The following SVOPL variants were observed in gnomAD, a reference collection of about 807,000 sequenced individuals.
SVOPL encodes putative transporter SVOPL.
In SVOPL, 60 loss-of-function variants were observed where a neutral mutation model predicts 61.0. That is an observed-to-expected ratio of 0.98 (90% CI 0.80 to 1.22). SVOPL has a LOEUF of 1.22. SVOPL is among the 50% of genes most tolerant of loss of function. SVOPL has a pLI of 0.00. For synonymous variants in SVOPL, 279 were observed against 250.0 expected (o/e 1.12, Z -1.09); for missense variants, 662 against 643.9 (o/e 1.03, Z -0.30).
rs1799265060 is a variant in SVOPL at position 138,615,712 on chromosome 7, T to TGGCG, written c.1353+5333_1353+5334insCGCC. ...TGGAAGGCTGAGGCAGGAGAACTGT[T>TGGCG]TGAACCTGGGAGGCGGAGGTTGCAG... On this transcript the variant is annotated intron_variant, in intron 14 of 15. Transcript: ENST00000674285. Among the ~76,000 whole-genome samples the TGGCG allele has an allele frequency of 4.3e-5, 2 of 46,894 alleles. 1 individual carries two copies. Among genetic ancestry groups the TGGCG allele is most frequent in the Non-Finnish European group, 1.2e-4 (2 of 17,102 alleles). 30.8% of individuals were successfully genotyped at this position (46,894 alleles called of 152,430 possible).
At chr7:138,663,672 A>C in intron 4 of SVOPL, 1 of 896,922 alleles carries the variant, frequency 1.1e-6, no homozygotes, top group Non-Finnish European at 1.3e-6. Context: ...CCCTGATAAA[A>C]TTCAAGGACC....
intron 7 of SVOPL, among the ~76,000 whole-genome samples, chr7:138,655,193 A>AAAAAGAAAAG (rs1050623141): frequency 6.6e-6 from 1 of 151,256 alleles, no homozygotes; most frequent in African/African-American, 2.4e-5. Context: ...CTGTCTCAAA[A>AAAAAGAAAAG]AAAAGAAAAG....
intron 10 of SVOPL, 151 bp downstream of exon 10, chr7:138,629,898 G>A (rs1304680987): frequency 2.5e-5 from 16 of 637,994 alleles, no homozygotes; most frequent in Non-Finnish European, 4.4e-5. Flanking sequence ...TAGTGGTGGT[G>A]TTTGTAGAAA....
At chr7:138,611,925 A>C in intron 14 of SVOPL, among the ~76,000 whole-genome samples, 1 of 20,960 alleles carries the variant, frequency 4.8e-5, no homozygotes, top group African/African-American at 1.5e-4. Context: ...ACGGGCCAGG[A>C]TGACAATGGC....
Position 138,644,749 on chromosome 7 carries a change from T to A in SVOPL, c.757A>T (p.Met253Leu). Residue 253 changes from methionine (M) to leucine (L), a missense_variant, in exon 9 of 16, where the codon ATG becomes TTG. By Grantham distance (15) the Met-to-Leu change is conservative. Coordinates refer to ENST00000674285, the MANE Select transcript of SVOPL (RefSeq NM_001139456.2). ...ERVAKMNRSV[M>L]PEGKLVEPVL... ...GGCTCCACCAGCTTCCCCTCCGGCA[T>A]GACCGAGCGGTTCATCTTGGCAACG... 1 of 1,614,158 alleles carries A rather than the reference T, an allele frequency of 6.2e-7. No individual in the cohort carries two copies. The highest frequency in any genetic ancestry group is 8.5e-7 in the Non-Finnish European group (1 of 1,180,030).
intron 9 of SVOPL, among the ~76,000 whole-genome samples, chr7:138,640,911 A>G (rs550373158): frequency 6.6e-6 from 1 of 152,166 alleles, no homozygotes; most frequent in Non-Finnish European, 1.5e-5. Context: ...TGAATCTAAA[A>G]TAAGAGTTGA....
rs760769082 is a variant in SVOPL, at chr7:138,630,115, C to CT, written c.796dup (p.Arg266LysfsTer11). ...ATCCAATAGGTCTGCAAATCTTCCT[C>CT]TTTTTTCCTGGGGTAATGAAAAGGA... is the stretch of plus-strand genomic sequence containing the variant. On this transcript the variant is annotated frameshift_variant, in exon 10 of 16. Transcript: ENST00000674285. LOFTEE classifies it high-confidence loss of function. 1.9e-6 allele frequency: 3 copies of CT among 1,611,788 alleles called. No individual in the cohort carries two copies. Among genetic ancestry groups the CT allele is most frequent in the East Asian group, 4.6e-5 (2 of 43,128 alleles).
chr7:138,632,249 T>C (rs1290082239), intron 9 of SVOPL, among the ~76,000 whole-genome samples: 1 of 152,068 alleles, frequency 6.6e-6, no homozygotes, highest in Non-Finnish European at 1.5e-5. Flanking sequence ...CTGGCCAACA[T>C]GGTAAAACCT....
intron 1 of SVOPL, among the ~76,000 whole-genome samples, chr7:138,682,899 T>C (rs371376472): frequency 3.0e-4 from 42 of 140,132 alleles, no homozygotes; most frequent in African/African-American, 6.4e-4. Flanking sequence ...ACCCAGGAGA[T>C]GGAGGTTGCT....
At chr7:138,642,287 C>CAAAAAAAAAAAAAAAAAAAACA (rs79469915) in intron 9 of SVOPL, among the ~76,000 whole-genome samples, 2 of 111,670 alleles carry the variant, frequency 1.8e-5, no homozygotes, top group Non-Finnish European at 3.6e-5. Flanking sequence ...GGAAATTAGC[C>CAAAAAAAAAAAAAAAAAAAACA]AAAAAAAAAA....
At chr7:138,604,421 C>T (rs1299615086) in intron 14 of SVOPL, among the ~76,000 whole-genome samples, 2 of 151,984 alleles carry the variant, frequency 1.3e-5, no homozygotes, top group African/African-American at 2.4e-5. Flanking sequence ...CGCCTGTAAT[C>T]CCAGCACATT....
In SVOPL at chr7:138,626,433, C is replaced by T. The variant is rs143408589; in HGVS notation, c.1182-383G>A. ...TTTAAGACAGAGTCTGGCTCTGTTA[C>T]CCAGCCTTGGGTGCAGTGGCACAAT... On this transcript the variant is annotated intron_variant, in intron 12 of 15. Transcript: ENST00000674285. 4.7e-3 allele frequency among the ~76,000 whole-genome samples: 714 copies of T among 152,180 alleles called. 7 individuals are homozygous for T. The highest frequency in any genetic ancestry group is 0.017 in the Middle Eastern group (5 of 294).
intron 15 of SVOPL, among the ~76,000 whole-genome samples, chr7:138,596,106 T>G (rs1278138091): frequency 6.7e-6 from 1 of 148,998 alleles, no homozygotes; most frequent in African/African-American, 2.5e-5. Context: ...GGAGAAGCAC[T>G]TAAACCCAGG....
intron 4 of SVOPL, among the ~76,000 whole-genome samples, chr7:138,668,248 G>C (rs537006907): frequency 1.3e-5 from 2 of 152,220 alleles, no homozygotes; most frequent in African/African-American, 4.8e-5. Flanking sequence ...CACCCACCAA[G>C]TTGTCCTTAA....
intron 3 of SVOPL, among the ~76,000 whole-genome samples, chr7:138,677,518 G>A (rs1054177970): frequency 5.3e-5 from 8 of 152,058 alleles, no homozygotes; most frequent in South Asian, 2.1e-4. Context: ...TTTCTTTGCC[G>A]TATTTTGAAA....
intron 6 of SVOPL, among the ~76,000 whole-genome samples, chr7:138,658,983 C>T (rs111738735): frequency 8.6e-5 from 13 of 151,324 alleles, no homozygotes; most frequent in African/African-American, 3.2e-4. Context: ...CAGGCCACGA[C>T]AGGAAGTGGG....
At chr7:138,689,577 G>A (rs1802894527) in intron 1 of SVOPL, 3 of 456,312 alleles carry the variant, frequency 6.6e-6, no homozygotes, top group African/African-American at 2.0e-5. Context: ...AAAAAAAAAA[G>A]GGCCAGATGT....
chr7:138,643,173 T>C (rs1584822423), intron 9 of SVOPL, among the ~76,000 whole-genome samples: 1 of 151,714 alleles, frequency 6.6e-6, no homozygotes, highest in Admixed American at 6.6e-5. Flanking sequence ...ACGCCTGTAA[T>C]CCCAGCACTT....
intron 9 of SVOPL, among the ~76,000 whole-genome samples, chr7:138,640,079 A>C (rs1800705528): frequency 6.6e-6 from 1 of 151,918 alleles, no homozygotes; most frequent in Non-Finnish European, 1.5e-5. Context: ...ATTTAAAGCA[A>C]AGCAGTGTAG....
Sources: allele counts gnomAD v4.1 joint callset (sites outside exome capture counted in the v4.1 genomes callset), GRCh38; gene constraint gnomAD v4.1.1; transcripts MANE v1.5; gene names NCBI Gene and HGNC (gene_info 2026-07-23, HGNC 2026-07-21).